The following SCAPER variants were observed in gnomAD, a reference collection of about 807,000 sequenced individuals.
SCAPER encodes the protein S phase cyclin A-associated protein in the endoplasmic reticulum.
SCAPER carries 98 observed loss-of-function variants against 182.2 expected under a neutral mutation model. The ratio of observed to expected loss-of-function variants is 0.54; its 90% CI spans 0.46 to 0.64. The LOEUF is 0.64. Ranked by LOEUF, SCAPER falls within the 30% of genes least tolerant of loss-of-function variation. The probability of loss-of-function intolerance (pLI) is 0.00; values close to 1 mark genes in which losing one functional copy is unlikely to be tolerated. For missense variants in SCAPER, 1,432 were observed against 1,690.0 expected (o/e 0.85, Z 2.68); for synonymous variants, 605 against 564.6 (o/e 1.07, Z -1.01).
At chr15:76,573,614 G>C (rs1314830967) in intron 23 of SCAPER, among the ~76,000 whole-genome samples, 1 of 152,026 alleles carries the variant, frequency 6.6e-6, no homozygotes, top group African/African-American at 2.4e-5. Flanking sequence ...ACAATAAAAT[G>C]TTATCAGTTG....
intron 21 of SCAPER, among the ~76,000 whole-genome samples, chr15:76,639,739 A>G (rs1363626482): frequency 1.3e-5 from 2 of 150,618 alleles, no homozygotes; most frequent in Non-Finnish European, 3.0e-5. Context: ...CACATTCACA[A>G]AAAAGAATAC....
intron 14 of SCAPER, among the ~76,000 whole-genome samples, chr15:76,764,040 T>C (rs1053907278): frequency 1.3e-5 from 2 of 152,202 alleles, no homozygotes; most frequent in Non-Finnish European, 2.9e-5. Flanking sequence ...TTTGTATCCT[T>C]GCATTGCTGT....
At position 76,351,226 on chromosome 15, in the gene SCAPER, TAG is replaced by T; in HGVS notation, c.4099+9_4099+10del. On this transcript the variant is annotated intron_variant, in intron 31 of 31. Coordinates refer to ENST00000563290, the MANE Select transcript of SCAPER (RefSeq NM_020843.4). ...ACAAACACATGAAATTTAATTTCAA[TAG>T]AGACATACCTTTGGGTTGGTAAGGC... 1.2e-6 allele frequency: 2 copies of T among 1,604,994 alleles called. No individual in the cohort carries two copies. The highest frequency in any genetic ancestry group is 2.2e-5 in the East Asian group (1 of 44,644).
intron 30 of SCAPER, 100 bp from the exon 31 acceptor site, chr15:76,351,388 G>A (rs1348675772): frequency 2.0e-6 from 2 of 1,006,484 alleles, no homozygotes. Flanking sequence ...AACCACTTTT[G>A]TATGAATATT....
chr15:76,526,873 TA>T (rs2043239177), intron 23 of SCAPER, among the ~76,000 whole-genome samples: 3 of 152,058 alleles, frequency 2.0e-5, no homozygotes, highest in Admixed American at 6.5e-5. Flanking sequence ...TTTTTATTTT[TA>T]TTTTTTTAGG....
At chr15:76,363,836 T>G (rs576458499) in intron 29 of SCAPER, among the ~76,000 whole-genome samples, 142 of 152,248 alleles carry the variant, frequency 9.3e-4, no homozygotes, top group Middle Eastern at 6.8e-3. Flanking sequence ...AATGCTATAG[T>G]AAAAAGGCAG....
chr15:76,535,828 G>C (rs1357239079), intron 23 of SCAPER, among the ~76,000 whole-genome samples: 3 of 152,234 alleles, frequency 2.0e-5, no homozygotes, highest in Admixed American at 6.5e-5. Context: ...CAGAAATACA[G>C]GTATGACAGA....
chr15:76,563,710 C>T (rs2046820246), intron 23 of SCAPER, among the ~76,000 whole-genome samples: 1 of 151,960 alleles, frequency 6.6e-6, no homozygotes, highest in Admixed American at 6.6e-5. Context: ...AGAGATACAA[C>T]AAAGAAAACT....
chr15:76,800,628 G>C (rs1055507057), intron 6 of SCAPER, among the ~76,000 whole-genome samples: 1 of 152,090 alleles, frequency 6.6e-6, no homozygotes, highest in African/African-American at 2.4e-5. Context: ...CCTCAAAAAG[G>C]TCATGGGGTT....
At chr15:76,786,509 T>A (rs2064619958) in intron 8 of SCAPER, among the ~76,000 whole-genome samples, 1 of 151,964 alleles carries the variant, frequency 6.6e-6, no homozygotes, top group Admixed American at 6.6e-5. Flanking sequence ...ATAAAGAACA[T>A]CCATAAAAAT....
intron 4 of SCAPER, among the ~76,000 whole-genome samples, chr15:76,849,163 A>G (rs917081366): frequency 7.2e-5 from 11 of 152,046 alleles, no homozygotes; most frequent in African/African-American, 2.7e-4. Context: ...CAGAACCCCA[A>G]GCTCATGCCA....
intron 27 of SCAPER, 32 bp downstream of exon 27, chr15:76,404,492 G>T: frequency 6.4e-7 from 1 of 1,560,750 alleles, no homozygotes. Context: ...TCCAAAAGTT[G>T]AGTCTAGATT....
intron 20 of SCAPER, among the ~76,000 whole-genome samples, chr15:76,682,958 G>A (rs919855245): frequency 1.3e-5 from 2 of 152,138 alleles, no homozygotes; most frequent in Non-Finnish European, 2.9e-5. Flanking sequence ...CCACATACAT[G>A]AGAAAGAATA....
intron 17 of SCAPER, among the ~76,000 whole-genome samples, chr15:76,720,411 C>G (rs1468166714): frequency 6.6e-6 from 1 of 152,122 alleles, no homozygotes; most frequent in African/African-American, 2.4e-5. Flanking sequence ...GTCTTTATAG[C>G]AGCATGATTT....
intron 23 of SCAPER, among the ~76,000 whole-genome samples, chr15:76,514,947 T>G (rs2042304581): frequency 6.6e-6 from 1 of 152,222 alleles, no homozygotes; most frequent in Non-Finnish European, 1.5e-5. Context: ...GGCTTCTTTA[T>G]ATTCCTATAA....
At chr15:76,797,470 A>G (rs2065410321) in intron 7 of SCAPER, 1 of 152,214 alleles carries the variant, frequency 6.6e-6, no homozygotes, top group African/African-American at 2.4e-5. Flanking sequence ...CCTGAAAATC[A>G]AGAAGGCCAC....
intron 23 of SCAPER, among the ~76,000 whole-genome samples, chr15:76,520,794 G>T (rs746924939): frequency 3.8e-4 from 58 of 152,320 alleles, no homozygotes; most frequent in Non-Finnish European, 6.8e-4. Flanking sequence ...TGATCAGGAA[G>T]TCAAACCCAG....
chr15:76,650,211 T>C (rs1434289485), intron 21 of SCAPER, among the ~76,000 whole-genome samples: 1 of 151,932 alleles, frequency 6.6e-6, no homozygotes, highest in Non-Finnish European at 1.5e-5. Flanking sequence ...AATAAATCAA[T>C]GAAGAGACAA....
intron 25 of SCAPER, among the ~76,000 whole-genome samples, chr15:76,468,539 T>C (rs145237427): frequency 6.6e-6 from 1 of 152,116 alleles, no homozygotes; most frequent in East Asian, 1.9e-4. Flanking sequence ...AAGAAGAAAA[T>C]GATCAAGGTA....
Sources: allele counts gnomAD v4.1 joint callset (sites outside exome capture counted in the v4.1 genomes callset), GRCh38; gene constraint gnomAD v4.1.1; transcripts MANE v1.5; gene names NCBI Gene and HGNC (gene_info 2026-07-23, HGNC 2026-07-21).